ANKS1B: variants seen among roughly 807,000 people sequenced by gnomAD.
ANKS1B encodes ankyrin repeat and sterile alpha motif domain-containing protein 1B.
Under a neutral mutation model 148.3 loss-of-function variants are expected in ANKS1B, and 36 were observed. The observed-to-expected ratio is 0.24, with a 90% CI of 0.19 to 0.32. The LOEUF (loss-of-function observed/expected upper bound fraction) is 0.32. ANKS1B is among the 10% of genes least tolerant of loss of function. The pLI is 1.00. For synonymous variants in ANKS1B, 542 were observed against 560.8 expected (o/e 0.97, Z 0.47); for missense variants, 1,157 against 1,542.6 (o/e 0.75, Z 4.19).
At chr12:99,301,140 A>G (rs189119037) in intron 12 of ANKS1B, among the ~76,000 whole-genome samples, 137 of 152,340 alleles carry the variant, frequency 9.0e-4, no homozygotes, top group Admixed American at 2.0e-3. Flanking sequence ...GCTCAAGAAG[A>G]GAGCAAATTA....
At chr12:99,203,811 A>T (rs2082337680) in intron 14 of ANKS1B, among the ~76,000 whole-genome samples, 1 of 152,192 alleles carries the variant, frequency 6.6e-6, no homozygotes, top group African/African-American at 2.4e-5. Context: ...GGAACTTATT[A>T]TATTGTAGTA....
intron 10 of ANKS1B, among the ~76,000 whole-genome samples, chr12:99,449,669 A>T (rs1429466000): frequency 6.6e-6 from 1 of 152,174 alleles, no homozygotes; most frequent in East Asian, 1.9e-4. Context: ...AATTAAAATA[A>T]AATATGGAAG....
At chr12:99,724,972 C>T (rs940824953) in intron 8 of ANKS1B, among the ~76,000 whole-genome samples, 3 of 152,108 alleles carry the variant, frequency 2.0e-5, no homozygotes, top group African/African-American at 7.2e-5. Context: ...ATTTCATCAC[C>T]ACCATGCCTG....
rs117473067 is a variant in ANKS1B at position 99,149,479 on chromosome 12, T to A, written c.2526+4810A>T. Among the ~76,000 whole-genome samples the A allele has an allele frequency of 6.9e-4, 105 of 152,290 alleles. 1 individual carries two copies. In the East Asian group the frequency reaches 0.017, roughly 25 times the overall value. On this transcript the variant is annotated intron_variant, in intron 15 of 26. Transcript: ENST00000683438. The stretch of plus-strand genomic sequence containing the variant: ...CATGTAGGGCTATCAGTATTATTGT[T>A]ATTTCTTATTCTGTAAAGGCTGCAT...
chr12:98,882,453 CAA>C (rs1217150581), intron 17 of ANKS1B, among the ~76,000 whole-genome samples: 1 of 152,120 alleles, frequency 6.6e-6, no homozygotes, highest in Non-Finnish European at 1.5e-5. Context: ...CAGCCAGTTG[CAA>C]AGATTATCAA....
Position 99,481,560 on chromosome 12 carries a change from G to A in ANKS1B, c.1438+22916C>T, listed in dbSNP as rs116532023. Reference sequence around the variant, plus strand: ...TCTTTTCCTTTGGGTAGACCTAGTAGTAGGATTGCTGTATCCATTGGTAGA... The same window carrying A: ...TCTTTTCCTTTGGGTAGACCTAGTAATAGGATTGCTGTATCCATTGGTAGA... On this transcript the variant is annotated intron_variant, in intron 10 of 26. Coordinates refer to ENST00000683438, the MANE Select transcript of ANKS1B (RefSeq NM_001352186.2). 7.9e-3 allele frequency among the ~76,000 whole-genome samples: 1,199 copies of A among 151,826 alleles called. 12 individuals carry two copies. The highest frequency in any genetic ancestry group is 0.027 in the African/African-American group (1,116 of 41,478).
At chr12:99,833,435 G>A (rs1182939040) in intron 1 of ANKS1B, among the ~76,000 whole-genome samples, 1 of 152,346 alleles carries the variant, frequency 6.6e-6, no homozygotes, top group South Asian at 2.1e-4. Flanking sequence ...GGTAGAGAGA[G>A]AGAGGGTGAG....
intron 1 of ANKS1B, among the ~76,000 whole-genome samples, chr12:99,982,478 G>T (rs981758021): frequency 6.6e-6 from 1 of 152,072 alleles, no homozygotes; most frequent in African/African-American, 2.4e-5. Context: ...AATTCCTCAT[G>T]TTTTCCCGAA....
intron 17 of ANKS1B, among the ~76,000 whole-genome samples, chr12:98,992,121 C>T (rs1385702957): frequency 6.6e-6 from 1 of 152,102 alleles, no homozygotes; most frequent in Non-Finnish European, 1.5e-5. Context: ...TTCCTGCCCA[C>T]CTCTCTAAAC....
At chr12:99,243,365 A>G (rs1177411614) in intron 14 of ANKS1B, among the ~76,000 whole-genome samples, 1 of 152,228 alleles carries the variant, frequency 6.6e-6, no homozygotes, top group Non-Finnish European at 1.5e-5. Flanking sequence ...ATCATTAAAA[A>G]GTCAGGAAAC....
At chr12:99,845,998 T>C (rs898334977) in intron 1 of ANKS1B, among the ~76,000 whole-genome samples, 8 of 152,164 alleles carry the variant, frequency 5.3e-5, no homozygotes, top group African/African-American at 1.9e-4. Context: ...CTTTGTTCCA[T>C]ATATTGCTCT....
At chr12:99,212,159 C>A (rs1198365010) in intron 14 of ANKS1B, among the ~76,000 whole-genome samples, 1 of 152,234 alleles carries the variant, frequency 6.6e-6, no homozygotes, top group African/African-American at 2.4e-5. Context: ...TCTTCCCAAA[C>A]ACTGCTCAGA....
intron 16 of ANKS1B, among the ~76,000 whole-genome samples, chr12:99,070,853 C>T (rs2046037348): frequency 6.6e-6 from 1 of 152,090 alleles, no homozygotes; most frequent in Admixed American, 6.5e-5. Flanking sequence ...TTTGGAGAGA[C>T]AGGGTCTCAC....
chr12:99,802,666 A>G (rs191170842), intron 4 of ANKS1B, among the ~76,000 whole-genome samples: 1 of 152,280 alleles, frequency 6.6e-6, no homozygotes, highest in Admixed American at 6.5e-5. Context: ...TAATCCCAGC[A>G]CTTTGGAAGG....
intron 12 of ANKS1B, among the ~76,000 whole-genome samples, chr12:99,255,786 T>C (rs1420010438): frequency 7.9e-5 from 12 of 152,210 alleles, no homozygotes; most frequent in African/African-American, 2.4e-4. Context: ...ATGGGAATCT[T>C]AATTTAACTT....
intron 15 of ANKS1B, among the ~76,000 whole-genome samples, chr12:99,098,160 GAAGCA>G (rs1280755034): frequency 6.6e-6 from 1 of 152,190 alleles, no homozygotes. Context: ...TGAGAAAATG[GAAGCA>G]TAAAGATTAC....
chr12:99,780,421 G>A (rs1330053164), intron 5 of ANKS1B, among the ~76,000 whole-genome samples: 1 of 150,742 alleles, frequency 6.6e-6, no homozygotes, highest in South Asian at 2.1e-4. Flanking sequence ...GACTACAGGT[G>A]CCCACCACCA....
chr12:99,618,805 A>G (rs2098007189), intron 9 of ANKS1B, among the ~76,000 whole-genome samples: 2 of 152,118 alleles, frequency 1.3e-5, no homozygotes, highest in African/African-American at 4.8e-5. Flanking sequence ...AGTGCATACT[A>G]AGTCAAGCTT....
chr12:99,343,331 T>G (rs901295432), intron 12 of ANKS1B, among the ~76,000 whole-genome samples: 1 of 152,076 alleles, frequency 6.6e-6, no homozygotes, highest in African/African-American at 2.4e-5. Context: ...CATGGTTTAT[T>G]TCTCTATTAT....
Sources: allele counts gnomAD v4.1 joint callset (sites outside exome capture counted in the v4.1 genomes callset), GRCh38; gene constraint gnomAD v4.1.1; transcripts MANE v1.5; gene names NCBI Gene and HGNC (gene_info 2026-07-23, HGNC 2026-07-21).